Variants in SPMIP7 observed in about 807,000 individuals in gnomAD.
The protein encoded by SPMIP7 is sperm microtubule inner protein 7, also known as protein SPMIP7.
chr7:50,113,009 G>A, the SPMIP7 span, among the ~76,000 whole-genome samples: 12 of 151,724 alleles, frequency 7.9e-5, no homozygotes, highest in African/African-American at 2.9e-4. Context: ...GTGGGCATAA[G>A]CTTTCCCTGA....
the SPMIP7 span, among the ~76,000 whole-genome samples, chr7:50,119,512 C>G: frequency 1.3e-5 from 2 of 152,096 alleles, no homozygotes; most frequent in Non-Finnish European, 2.9e-5. Context: ...AGTAAGAAAC[C>G]AAAACAATTG....
the SPMIP7 span, among the ~76,000 whole-genome samples, chr7:50,148,388 A>G: frequency 6.6e-6 from 1 of 152,220 alleles, no homozygotes; most frequent in East Asian, 1.9e-4. Context: ...AGGCTGTGCA[A>G]TGTTTTTTAT....
the SPMIP7 span, among the ~76,000 whole-genome samples, chr7:50,146,080 C>T: frequency 6.6e-6 from 1 of 152,152 alleles, no homozygotes; most frequent in Non-Finnish European, 1.5e-5. Context: ...CAAAATTTTA[C>T]CACAACCCAG....
the SPMIP7 span, among the ~76,000 whole-genome samples, chr7:50,145,207 G>A: frequency 2.6e-5 from 4 of 151,562 alleles, no homozygotes; most frequent in South Asian, 2.1e-4. Context: ...AGGTTGCAGT[G>A]AGCCAAGATC....
chr7:50,142,863 A>G, the SPMIP7 span: 1 of 152,182 alleles, frequency 6.6e-6, no homozygotes, highest in Non-Finnish European at 1.5e-5. Flanking sequence ...ATGAATCTCT[A>G]AACAAATTAT....
At chr7:50,140,253 G>T in the SPMIP7 span, 1 of 835,024 alleles carries the variant, frequency 1.2e-6, no homozygotes, top group East Asian at 3.0e-5. Context: ...TTCAGCTCAC[G>T]CATGTTGTAT....
At chr7:50,114,477 G>C in the SPMIP7 span, among the ~76,000 whole-genome samples, 2 of 151,874 alleles carry the variant, frequency 1.3e-5, no homozygotes, top group Non-Finnish European at 2.9e-5. Context: ...TGTAAAATAT[G>C]TATACTATAA....
At chr7:50,125,199 T>C in the SPMIP7 span, among the ~76,000 whole-genome samples, 44 of 75,032 alleles carry the variant, frequency 5.9e-4, 1 homozygote, top group South Asian at 0.017. Context: ...TATACACATA[T>C]ATATACACAT....
the SPMIP7 span, among the ~76,000 whole-genome samples, chr7:50,133,415 A>ATTT: frequency 6.6e-6 from 1 of 152,124 alleles, no homozygotes; most frequent in Non-Finnish European, 1.5e-5. Flanking sequence ...CCAATAGCTG[A>ATTT]CCTTAAGCAA....
chr7:50,127,422 C>T, the SPMIP7 span, among the ~76,000 whole-genome samples: 1 of 150,986 alleles, frequency 6.6e-6, no homozygotes, highest in Non-Finnish European at 1.5e-5. Flanking sequence ...CTACATCAAG[C>T]TAAAAAGCTC....
chr7:50,147,355 A>G, the SPMIP7 span, among the ~76,000 whole-genome samples: 32 of 152,138 alleles, frequency 2.1e-4, no homozygotes, highest in African/African-American at 7.7e-4. Flanking sequence ...GTCCAGTTCT[A>G]CCACTTGCCA....
chr7:50,118,064 T>C, the SPMIP7 span, among the ~76,000 whole-genome samples: 1 of 152,202 alleles, frequency 6.6e-6, no homozygotes, highest in Admixed American at 6.5e-5. Context: ...ACTGTTAGGA[T>C]ACACAATTTG....
At chr7:50,106,711 G>A in the SPMIP7 span, among the ~76,000 whole-genome samples, 2 of 152,148 alleles carry the variant, frequency 1.3e-5, no homozygotes, top group African/African-American at 4.8e-5. Flanking sequence ...GATACACACT[G>A]AGTCCATATG....
the SPMIP7 span, among the ~76,000 whole-genome samples, chr7:50,117,031 A>G: frequency 6.6e-6 from 1 of 152,342 alleles, no homozygotes; most frequent in Non-Finnish European, 1.5e-5. Context: ...GCAGGATAAT[A>G]CAGATTCTGG....
chr7:50,145,612 GTGTGTGTATATATATATA>G, the SPMIP7 span, among the ~76,000 whole-genome samples: 45 of 36,900 alleles, frequency 1.2e-3, 3 homozygotes, highest in East Asian at 3.8e-3. Flanking sequence ...GTGTGTATAT[GTGTGTGTATATATATATA>G]TATATATATA....
At chr7:50,151,507 A>G in the SPMIP7 span, 1 of 1,551,706 alleles carries the variant, frequency 6.4e-7, no homozygotes, top group Non-Finnish European at 8.7e-7. Flanking sequence ...CCCACCCAGC[A>G]AATTCTAATA....
chr7:50,098,088 C>T, the SPMIP7 span, among the ~76,000 whole-genome samples: 1 of 151,976 alleles, frequency 6.6e-6, no homozygotes, highest in Admixed American at 6.6e-5. Context: ...AACCTAAATA[C>T]ACGTTATTTC....
the SPMIP7 span, chr7:50,134,136 A>C: frequency 1.3e-6 from 2 of 1,550,310 alleles, no homozygotes; most frequent in Non-Finnish European, 1.7e-6. Flanking sequence ...TTGGGATAAG[A>C]TGCTACCACC....
chr7:50,100,153 A>T, the SPMIP7 span, among the ~76,000 whole-genome samples: 1 of 152,152 alleles, frequency 6.6e-6, no homozygotes, highest in Non-Finnish European at 1.5e-5. Flanking sequence ...GACTGGCAAG[A>T]CAGAAGCCAG....
Sources: gnomAD v4.1 joint callset for allele counts (sites outside exome capture counted in the v4.1 genomes callset) on GRCh38, gnomAD v4.1.1 for gene constraint, MANE v1.5 for transcripts, NCBI Gene and HGNC (gene_info 2026-07-23, HGNC 2026-07-21) for gene names.